ATP10B: variants seen among roughly 807,000 people sequenced by gnomAD.
ATP10B encodes ATPase phospholipid transporting 10B (putative), also known as phospholipid-transporting ATPase VB.
Under a neutral mutation model 141.2 loss-of-function variants are expected in ATP10B, and 122 were observed. The observed-to-expected ratio is 0.86, with a 90% CI of 0.75 to 1.00. The LOEUF is 1.00. ATP10B is among the 50% of genes least tolerant of loss of function. ATP10B has a pLI of 0.00. For missense variants in ATP10B, 1,876 were observed against 1,825.3 expected, an observed-to-expected ratio of 1.03 and a Z score of -0.51; for synonymous variants, 685 against 692.0, an observed-to-expected ratio of 0.99 and a Z score of 0.16.
At chr5:160,694,159 C>T (rs1210261014) in intron 3 of ATP10B, among the ~76,000 whole-genome samples, 1 of 152,180 alleles carries the variant, frequency 6.6e-6, no homozygotes, top group Non-Finnish European at 1.5e-5. Flanking sequence ...AGAGGCAGCT[C>T]TTTGACCCAC....
chr5:160,639,802 A>G (rs1759693615), intron 10 of ATP10B, among the ~76,000 whole-genome samples: 1 of 152,218 alleles, frequency 6.6e-6, no homozygotes, highest in Admixed American at 6.5e-5. Flanking sequence ...ATTACATTGT[A>G]ATATATAATA....
intron 7 of ATP10B, among the ~76,000 whole-genome samples, chr5:160,666,847 G>C (rs1009803180): frequency 2.6e-5 from 4 of 152,170 alleles, no homozygotes; most frequent in African/African-American, 9.7e-5. Context: ...ATAAATGTGT[G>C]CTTTCAAGTA....
rs541117336 is a variant in ATP10B at position 160,579,051 on chromosome 5, T to A, written c.3751-9368A>T. 5.9e-5 allele frequency among the ~76,000 whole-genome samples: 9 copies of A among 152,352 alleles called. No individual in the cohort carries two copies. The South Asian group carries it at 1.9e-3, about 32-fold the overall frequency. On this transcript the variant is annotated intron_variant, in intron 24 of 25. Transcript: ENST00000327245. ...GATTGCTTTTTCTTGTAAATTTAAG[T>A]TCCTTGTAGATTGTGGATATTAGCC...
intron 6 of ATP10B, among the ~76,000 whole-genome samples, chr5:160,681,874 G>A (rs1763419957): frequency 6.6e-6 from 1 of 152,132 alleles, no homozygotes; most frequent in Admixed American, 6.5e-5. Context: ...CAGACAATCT[G>A]GCAACAACAC....
chr5:160,616,579 G>A (rs375761255), intron 16 of ATP10B, among the ~76,000 whole-genome samples: 1 of 152,194 alleles, frequency 6.6e-6, no homozygotes, highest in African/African-American at 2.4e-5. Context: ...CACATGGAGT[G>A]CCCAGTAGCT....
intron 2 of ATP10B, among the ~76,000 whole-genome samples, chr5:160,739,405 CATG>C (rs1488451678): frequency 6.6e-6 from 1 of 152,088 alleles, no homozygotes; most frequent in Admixed American, 6.6e-5. Flanking sequence ...TTGCATACAA[CATG>C]ATAACATATG....
At chr5:160,650,352 A>G (rs566537321) in intron 7 of ATP10B, among the ~76,000 whole-genome samples, 1 of 152,256 alleles carries the variant, frequency 6.6e-6, no homozygotes, top group Admixed American at 6.5e-5. Flanking sequence ...TTAAACATTA[A>G]AAGCTGATTG....
intron 6 of ATP10B, among the ~76,000 whole-genome samples, chr5:160,671,697 C>T (rs1762712704): frequency 6.6e-6 from 1 of 152,214 alleles, no homozygotes; most frequent in Admixed American, 6.5e-5. Flanking sequence ...TTTAGCATTT[C>T]TTACCTGCCA....
chr5:160,574,547 G>A (rs1755071899), intron 24 of ATP10B, among the ~76,000 whole-genome samples: 1 of 152,086 alleles, frequency 6.6e-6, no homozygotes, highest in South Asian at 2.1e-4. Flanking sequence ...AAAACAAATT[G>A]CTTATTGCTG....
chr5:160,765,128 G>A (rs563373278), intron 2 of ATP10B, among the ~76,000 whole-genome samples: 1 of 152,262 alleles, frequency 6.6e-6, no homozygotes, highest in South Asian at 2.1e-4. Context: ...AATCAATATT[G>A]TGAAAATGAC....
chr5:160,604,057 T>C lies in ATP10B; in HGVS notation c.3161-16A>G. The C allele has an allele frequency of 6.2e-7, 1 of 1,610,636 alleles. No individual in the cohort carries two copies. On this transcript the variant is annotated splice_polypyrimidine_tract_variant and intron_variant, in intron 19 of 25. Coordinates refer to ENST00000327245, the MANE Select transcript of ATP10B (RefSeq NM_025153.3). ...GCTCCATCACCTGAAAGAGAGGTCATAACGTGTCTTTATTTTTGGTCCAAC... is the reference window on the plus strand; with the variant it reads ...GCTCCATCACCTGAAAGAGAGGTCACAACGTGTCTTTATTTTTGGTCCAAC...
chr5:160,622,843 A>G (rs1017304989), intron 13 of ATP10B, among the ~76,000 whole-genome samples: 2 of 152,170 alleles, frequency 1.3e-5, no homozygotes, highest in Non-Finnish European at 2.9e-5. Context: ...GCTTCCAGCC[A>G]TGCTGAGACC....
At chr5:160,920,820 A>G in the ATP10B span, among the ~76,000 whole-genome samples, 1 of 152,226 alleles carries the variant, frequency 6.6e-6, no homozygotes, top group East Asian at 1.9e-4. Flanking sequence ...TTCTGCATTT[A>G]TAACAAGCTT....
chr5:160,566,761 TC>T (rs535189741), intron 25 of ATP10B, among the ~76,000 whole-genome samples: 99 of 152,364 alleles, frequency 6.5e-4, no homozygotes, highest in Non-Finnish European at 1.0e-3. Context: ...GCAACTCACA[TC>T]CACTTTCCAG....
chr5:160,773,572 C>T (rs1025372560), intron 2 of ATP10B, among the ~76,000 whole-genome samples: 15 of 152,216 alleles, frequency 9.9e-5, no homozygotes, highest in East Asian at 1.9e-4. Context: ...AGCTCCAGAG[C>T]GGCTAATAGC....
intron 3 of ATP10B, among the ~76,000 whole-genome samples, chr5:160,703,272 G>T (rs1764780054): frequency 6.6e-6 from 1 of 152,124 alleles, no homozygotes; most frequent in African/African-American, 2.4e-5. Context: ...GCAATGAAGT[G>T]AGTCACATAC....
intron 1 of ATP10B, among the ~76,000 whole-genome samples, chr5:160,821,849 C>T (rs531927892): frequency 2.0e-5 from 3 of 152,024 alleles, no homozygotes; most frequent in South Asian, 4.1e-4. Context: ...TTGCTATATA[C>T]AAAAATCAAA....
chr5:160,591,917 G>A (rs1756321925), intron 22 of ATP10B, among the ~76,000 whole-genome samples: 1 of 152,138 alleles, frequency 6.6e-6, no homozygotes. Flanking sequence ...TGGGCTTGCT[G>A]TTAGTCTATA....
At chr5:160,860,162 T>A in the ATP10B span, among the ~76,000 whole-genome samples, 1 of 151,922 alleles carries the variant, frequency 6.6e-6, no homozygotes, top group African/African-American at 2.4e-5. Context: ...CACTTAAGGA[T>A]AATTTGGCTC....
Sources: allele counts gnomAD v4.1 joint callset (sites outside exome capture counted in the v4.1 genomes callset), GRCh38; gene constraint gnomAD v4.1.1; transcripts MANE v1.5; gene names NCBI Gene and HGNC (gene_info 2026-07-23, HGNC 2026-07-21).